The following CLDN16 variants were observed in gnomAD, a reference collection of about 807,000 sequenced individuals.
CLDN16 encodes the protein claudin-16.
CLDN16 carries 13 observed loss-of-function variants against 24.6 expected under a neutral mutation model. The observed-to-expected ratio is 0.53, with a 90% CI of 0.34 to 0.84. The LOEUF (loss-of-function observed/expected upper bound fraction) is 0.84, where lower values mean the gene tolerates loss of function less well. Among genes scored for constraint, CLDN16 ranks in the 40% least tolerant of loss-of-function variants. The probability of loss-of-function intolerance (pLI) is 0.01; values close to 1 mark genes in which losing one functional copy is unlikely to be tolerated. For synonymous variants in CLDN16, 116 were observed against 106.7 expected (o/e 1.09, Z -0.54); for missense variants, 298 against 292.7 (o/e 1.02, Z -0.13).
intron 1 of CLDN16, among the ~76,000 whole-genome samples, chr3:190,351,110 T>G (rs1717663586): frequency 6.6e-6 from 1 of 151,202 alleles, no homozygotes; most frequent in Non-Finnish European, 1.5e-5. Flanking sequence ...GACTGTGCAC[T>G]CCCCCCCACC....
At chr3:190,342,126 C>T (rs900313823) in intron 1 of CLDN16, among the ~76,000 whole-genome samples, 2 of 152,212 alleles carry the variant, frequency 1.3e-5, no homozygotes, top group Admixed American at 1.3e-4. Context: ...CCAAACTCTG[C>T]CTGTTACACA....
At chr3:190,354,104 T>C (rs1020330748) in intron 1 of CLDN16, among the ~76,000 whole-genome samples, 26 of 152,172 alleles carry the variant, frequency 1.7e-4, no homozygotes, top group Admixed American at 1.4e-3. Flanking sequence ...TGTTGCCTTC[T>C]TCTATGTCTG....
the CLDN16 span, among the ~76,000 whole-genome samples, chr3:190,314,467 T>A: frequency 6.6e-6 from 1 of 152,148 alleles, no homozygotes; most frequent in Non-Finnish European, 1.5e-5. Flanking sequence ...CGATATGGGC[T>A]CACTGCAACC....
At chr3:190,340,864 A>G (rs528126096) in intron 1 of CLDN16, among the ~76,000 whole-genome samples, 74 of 152,280 alleles carry the variant, frequency 4.9e-4, no homozygotes, top group African/African-American at 1.7e-3. Context: ...AAATGGGAGA[A>G]ATTGGCCAAA....
upstream of CLDN16, among the ~76,000 whole-genome samples, chr3:190,385,000 G>GT (rs1161489950): frequency 6.6e-6 from 1 of 152,148 alleles, no homozygotes. Context: ...GCTTAAGACT[G>GT]TTGTCAGAAT....
At chr3:190,292,519 G>C in the CLDN16 span, among the ~76,000 whole-genome samples, 15 of 152,176 alleles carry the variant, frequency 9.9e-5, no homozygotes, top group Non-Finnish European at 1.8e-4. Flanking sequence ...TTTCCCCATT[G>C]TCTTGGCTAT....
intron 1 of CLDN16, among the ~76,000 whole-genome samples, chr3:190,354,461 CACACTCTTTTCTTTATG>C (rs958701093): frequency 6.6e-6 from 1 of 151,958 alleles, no homozygotes; most frequent in Non-Finnish European, 1.5e-5. Context: ...ATTTTGAAGA[CACACTCTTTTCTTTATG>C]ACACTCTTGT....
Position 190,410,412 on chromosome 3 carries a change from A to G in CLDN16, c.*376A>G. ...AGGCCAGGGACCCTAATCTTTGAAG[A>G]GATGAAGAAACTTACTTTTCTCCCT... On this transcript the variant is annotated 3_prime_UTR_variant, in exon 5 of 5. Transcript: ENST00000264734. 5.8e-6 allele frequency: 1 copy of G among 171,130 alleles called. No homozygotes were observed. The highest frequency in any genetic ancestry group is 5.9e-5 in the Admixed American group (1 of 16,894). 10.6% of individuals were successfully genotyped at this position (171,130 alleles called of 1,614,324 possible). A position where few individuals can be genotyped will look rare whatever the true frequency, so the allele number is the denominator to read the frequency against.
intron 3 of CLDN16, among the ~76,000 whole-genome samples, chr3:190,377,606 G>T (rs1191304672): frequency 1.3e-5 from 2 of 152,126 alleles, no homozygotes; most frequent in Non-Finnish European, 2.9e-5. Flanking sequence ...TTCAATGTAT[G>T]TTATTAATCA....
intron 1 of CLDN16, among the ~76,000 whole-genome samples, chr3:190,333,372 G>A (rs1480598399): frequency 6.6e-6 from 1 of 152,126 alleles, no homozygotes; most frequent in African/African-American, 2.4e-5. Context: ...CAATGGCACT[G>A]TAAGTATGTT....
chr3:190,366,708 ACT>A (rs1254676167), intron 1 of CLDN16, among the ~76,000 whole-genome samples: 2 of 151,866 alleles, frequency 1.3e-5, no homozygotes, highest in African/African-American at 4.8e-5. Flanking sequence ...AAGGACCGTG[ACT>A]CTCTTTTCTA....
intron 1 of CLDN16, among the ~76,000 whole-genome samples, chr3:190,395,421 T>C (rs1718792599): frequency 6.6e-6 from 1 of 152,080 alleles, no homozygotes; most frequent in Non-Finnish European, 1.5e-5. Flanking sequence ...AAGGCCTGTA[T>C]TGACTCCATT....
rs559103409 is a variant in CLDN16 at position 190,322,995 on chromosome 3, A to G, written n.121+334A>G. Among the ~76,000 whole-genome samples the G allele has an allele frequency of 4.5e-4, 33 of 72,754 alleles. No individual in the cohort carries two copies. In the East Asian group the frequency reaches 0.021, roughly 47 times the overall value. 47.7% of individuals were successfully genotyped at this position (72,754 alleles called of 152,430 possible). On this transcript the variant is annotated intron_variant and non_coding_transcript_variant, in intron 1 of 4. Coordinates refer to the CLDN16 transcript ENST00000468220. ...GATTGGGAAACAGACCCAGAGAGCA[A>G]CATGATTTACACACACACACACACA... is the stretch of plus-strand genomic sequence containing the variant.
intron 3 of CLDN16, among the ~76,000 whole-genome samples, chr3:190,379,842 T>C (rs79301141): frequency 3.9e-4 from 60 of 152,258 alleles, no homozygotes; most frequent in East Asian, 1.5e-3. Context: ...ACCATTATCT[T>C]TTCCATGAAG....
chr3:190,381,563 C>T (rs1435027295), intron 3 of CLDN16, among the ~76,000 whole-genome samples: 1 of 151,914 alleles, frequency 6.6e-6, no homozygotes, highest in East Asian at 1.9e-4. Context: ...GCCTCTAGGC[C>T]CTTGATAATA....
At chr3:190,382,934 A>G (rs1421045218) in intron 3 of CLDN16, among the ~76,000 whole-genome samples, 1 of 152,128 alleles carries the variant, frequency 6.6e-6, no homozygotes, top group Non-Finnish European at 1.5e-5. Flanking sequence ...AAACACAACA[A>G]ATCCAGGTGT....
chr3:190,364,808 A>G (rs2108643768), intron 1 of CLDN16, among the ~76,000 whole-genome samples: 1 of 151,834 alleles, frequency 6.6e-6, no homozygotes, highest in East Asian at 2.0e-4. Context: ...GCTGTCTCAA[A>G]GAGGGGAGCT....
intron 3 of CLDN16, among the ~76,000 whole-genome samples, chr3:190,379,037 T>C (rs921098686): frequency 6.6e-6 from 1 of 152,096 alleles, no homozygotes; most frequent in Admixed American, 6.6e-5. Context: ...AACTGGGCTA[T>C]AGACCTTTGA....
chr3:190,293,181 G>T, the CLDN16 span, among the ~76,000 whole-genome samples: 1 of 152,194 alleles, frequency 6.6e-6, no homozygotes, highest in African/African-American at 2.4e-5. Flanking sequence ...ATGGCAGCAG[G>T]CAAGAGAATG....
Sources: gnomAD v4.1 joint callset for allele counts (sites outside exome capture counted in the v4.1 genomes callset) on GRCh38, gnomAD v4.1.1 for gene constraint, MANE v1.5 for transcripts, NCBI Gene and HGNC (gene_info 2026-07-23, HGNC 2026-07-21) for gene names.